MDFIC2: variants seen among roughly 807,000 people sequenced by gnomAD.
The protein encoded by MDFIC2 is myoD family inhibitor domain-containing protein 2.
At chr3:70,307,104 C>T (rs561634529) in intron 2 of MDFIC2, among the ~76,000 whole-genome samples, 3 of 152,230 alleles carry the variant, frequency 2.0e-5, no homozygotes, top group Admixed American at 2.0e-4. Flanking sequence ...GATACACCCT[C>T]CTAGAACAGA....
intron 2 of MDFIC2, among the ~76,000 whole-genome samples, chr3:70,284,003 T>C (rs1333257012): frequency 2.6e-5 from 4 of 152,082 alleles, no homozygotes; most frequent in Non-Finnish European, 5.9e-5. Flanking sequence ...ACAGAAGGGG[T>C]TTCCATGCCT....
chr3:70,208,007 C>T (rs1201861971), intron 2 of MDFIC2, among the ~76,000 whole-genome samples: 1 of 151,850 alleles, frequency 6.6e-6, no homozygotes, highest in African/African-American at 2.4e-5. Context: ...TCAAACAAAT[C>T]GTCAAAGAAA....
chr3:70,225,982 A>T (rs1471863588), intron 2 of MDFIC2, among the ~76,000 whole-genome samples: 1 of 152,184 alleles, frequency 6.6e-6, no homozygotes, highest in Non-Finnish European at 1.5e-5. Flanking sequence ...ACAGGATGAG[A>T]CATATTGCCT....
intron 3 of MDFIC2, among the ~76,000 whole-genome samples, chr3:70,197,953 T>A (rs1399806538): frequency 6.6e-6 from 1 of 152,182 alleles, no homozygotes; most frequent in East Asian, 1.9e-4. Context: ...AGGTAACTGG[T>A]AATTTCTAGC....
At chr3:70,264,473 C>T (rs937599084) in intron 2 of MDFIC2, among the ~76,000 whole-genome samples, 4 of 152,302 alleles carry the variant, frequency 2.6e-5, no homozygotes, top group African/African-American at 9.6e-5. Flanking sequence ...ATCAATGTGC[C>T]TGAGTCCACA....
At chr3:70,228,896 G>A (rs1701533520) in intron 2 of MDFIC2, among the ~76,000 whole-genome samples, 1 of 152,106 alleles carries the variant, frequency 6.6e-6, no homozygotes, top group Non-Finnish European at 1.5e-5. Flanking sequence ...TAGTACGTGA[G>A]GAGAAACTCA....
rs1701159140 is a variant in MDFIC2 at position 70,194,705 on chromosome 3, T to C, written c.*2221A>G. Among the ~76,000 whole-genome samples the C allele has an allele frequency of 6.6e-6, 1 of 152,162 alleles. No homozygotes were observed. Among genetic ancestry groups the C allele is most frequent in the African/African-American group, 2.4e-5 (1 of 41,446 alleles). On this transcript the variant is annotated 3_prime_UTR_variant, in exon 4 of 4. Transcript: ENST00000567252. ...CTAATTGACAAGCATTCAATTCACA[T>C]TTGAAATGCACAATCTTTGCATAAT...
intron 2 of MDFIC2, among the ~76,000 whole-genome samples, chr3:70,285,421 T>A (rs1034335270): frequency 6.6e-6 from 1 of 152,100 alleles, no homozygotes; most frequent in African/African-American, 2.4e-5. Flanking sequence ...TATTCTATGG[T>A]GTATATATGC....
intron 2 of MDFIC2, among the ~76,000 whole-genome samples, chr3:70,212,209 C>A (rs12487842): frequency 0.45 from 68,042 of 151,958 alleles, 15,503 homozygotes; most frequent in East Asian, 0.71. Context: ...TTCAGAGAAG[C>A]ACAACAAATG....
At chr3:70,219,422 G>A (rs1344777802) in intron 2 of MDFIC2, among the ~76,000 whole-genome samples, 1 of 152,150 alleles carries the variant, frequency 6.6e-6, no homozygotes, top group East Asian at 1.9e-4. Context: ...GATTTTTGAT[G>A]TGACCAAGAG....
chr3:70,278,642 G>T (rs1702051328), intron 2 of MDFIC2, among the ~76,000 whole-genome samples: 1 of 152,120 alleles, frequency 6.6e-6, no homozygotes, highest in Non-Finnish European at 1.5e-5. Flanking sequence ...CTTGGCTCTA[G>T]AATATGTCTT....
At chr3:70,289,155 C>T (rs1464445812) in intron 2 of MDFIC2, among the ~76,000 whole-genome samples, 6 of 150,070 alleles carry the variant, frequency 4.0e-5, no homozygotes, top group East Asian at 4.0e-4. Flanking sequence ...TTCCTAGTCT[C>T]GATGGTCTTT....
At chr3:70,231,274 G>A (rs1701557523) in intron 2 of MDFIC2, among the ~76,000 whole-genome samples, 1 of 152,126 alleles carries the variant, frequency 6.6e-6, no homozygotes, top group African/African-American at 2.4e-5. Context: ...GGCGGCACAC[G>A]TTCGCTTAAG....
At chr3:70,248,447 G>C (rs1338037502) in intron 2 of MDFIC2, among the ~76,000 whole-genome samples, 1 of 152,040 alleles carries the variant, frequency 6.6e-6, no homozygotes, top group Non-Finnish European at 1.5e-5. Context: ...TGGAGTGTAG[G>C]GTTCAGGGTA....
At chr3:70,211,895 G>GTCCTTTCCTTTCCTTTCCTTTGTCCTT (rs138398263) in intron 2 of MDFIC2, among the ~76,000 whole-genome samples, 1 of 132,152 alleles carries the variant, frequency 7.6e-6, no homozygotes, top group African/African-American at 2.9e-5. Flanking sequence ...CCTTCCCTTT[G>GTCCTTTCCTTTCCTTTCCTTTGTCCTT]TCCTTTCCTT....
intron 3 of MDFIC2, chr3:70,204,544 A>T (rs1406249660): frequency 6.6e-6 from 1 of 152,166 alleles, no homozygotes; most frequent in Non-Finnish European, 1.5e-5. Flanking sequence ...GGACAAGTGG[A>T]CTATCACCTA....
intron 2 of MDFIC2, among the ~76,000 whole-genome samples, chr3:70,310,615 C>T (rs991364737): frequency 1.3e-5 from 2 of 152,074 alleles, no homozygotes; most frequent in Admixed American, 1.3e-4. Context: ...ATCCACCCGC[C>T]TCGGCCTCCC....
intron 3 of MDFIC2, among the ~76,000 whole-genome samples, chr3:70,198,843 A>T (rs9873121): frequency 6.6e-6 from 1 of 152,090 alleles, no homozygotes; most frequent in Non-Finnish European, 1.5e-5. Flanking sequence ...CAACTCTCCC[A>T]TATCTCATAA....
chr3:70,268,474 C>CAAAAAAAAA (rs66482424), intron 2 of MDFIC2, among the ~76,000 whole-genome samples: 1 of 96,592 alleles, frequency 1.0e-5, no homozygotes, highest in Non-Finnish European at 2.0e-5. Flanking sequence ...GACTCCGTCT[C>CAAAAAAAAA]AAAAAAAAAA....
Sources: gnomAD v4.1 joint callset for allele counts (sites outside exome capture counted in the v4.1 genomes callset) on GRCh38, gnomAD v4.1.1 for gene constraint, MANE v1.5 for transcripts, NCBI Gene and HGNC (gene_info 2026-07-23, HGNC 2026-07-21) for gene names.